Variants in MECOM observed in about 807,000 individuals in gnomAD.
MECOM encodes histone-lysine N-methyltransferase MECOM.
In MECOM, 13 loss-of-function variants were observed where a neutral mutation model predicts 116.3. The observed-to-expected ratio is 0.11, with a 90% CI of 0.07 to 0.18. MECOM has a LOEUF of 0.18. Ranked by LOEUF, MECOM falls within the 10% of genes least tolerant of loss-of-function variation. The pLI is 1.00. For missense variants in MECOM, 1,299 were observed against 1,509.0 expected, an observed-to-expected ratio of 0.86 and a Z score of 2.31; for synonymous variants, 528 against 535.2, an observed-to-expected ratio of 0.99 and a Z score of 0.19.
At chr3:169,438,739 G>A (rs986958599) in intron 1 of MECOM, among the ~76,000 whole-genome samples, 1 of 152,108 alleles carries the variant, frequency 6.6e-6, no homozygotes, top group Non-Finnish European at 1.5e-5. Flanking sequence ...AATGTTTCAG[G>A]TACTATCGGG....
intron 2 of MECOM, among the ~76,000 whole-genome samples, chr3:169,341,883 G>A (rs1004566094): frequency 1.2e-4 from 19 of 152,186 alleles, no homozygotes; most frequent in Admixed American, 5.2e-4. Flanking sequence ...ATGCTTCAGG[G>A]ATGGACACCC....
intron 2 of MECOM, among the ~76,000 whole-genome samples, chr3:169,273,232 G>A (rs1436884283): frequency 6.6e-6 from 1 of 152,034 alleles, no homozygotes; most frequent in African/African-American, 2.4e-5. Context: ...TACAAAGCAA[G>A]GGTATACAAA....
intron 2 of MECOM, among the ~76,000 whole-genome samples, chr3:169,338,074 G>A (rs1483671164): frequency 2.0e-5 from 3 of 152,132 alleles, no homozygotes; most frequent in East Asian, 1.9e-4. Flanking sequence ...ATTTGGTTGC[G>A]ATATAATCAG....
chr3:169,084,809 G>T lies in MECOM; in HGVS notation c.*100C>A. On this transcript the variant is annotated 3_prime_UTR_variant, in exon 17 of 17. Coordinates refer to ENST00000651503, the MANE Select transcript of MECOM (RefSeq NM_004991.4). ...TAGACTTTAGATGAGTGACCCTGCA[G>T]GTTTATAAGGCATTCTGCTCAGCAG... 2 of 1,358,254 alleles carry T rather than the reference G, an allele frequency of 1.5e-6. No individual in the cohort carries two copies. The highest frequency in any genetic ancestry group is 1.9e-5 in the Admixed American group (1 of 53,246). 84.1% of individuals were successfully genotyped at this position (1,358,254 alleles called of 1,614,324 possible).
At chr3:169,308,853 T>TGTACATCGATGGACA (rs2149726023) in intron 2 of MECOM, among the ~76,000 whole-genome samples, 1 of 152,348 alleles carries the variant, frequency 6.6e-6, no homozygotes, top group African/African-American at 2.4e-5. Flanking sequence ...GTCTTCCTTC[T>TGTACATCGATGGACA]CATCCTGAGT....
chr3:169,431,797 C>A (rs998333552), intron 1 of MECOM, among the ~76,000 whole-genome samples: 1 of 152,050 alleles, frequency 6.6e-6, no homozygotes, highest in African/African-American at 2.4e-5. Flanking sequence ...CTAAGAGCAT[C>A]CAGCATACCA....
chr3:169,493,399 T>G (rs537869545), intron 1 of MECOM, among the ~76,000 whole-genome samples: 1 of 152,250 alleles, frequency 6.6e-6, no homozygotes, highest in African/African-American at 2.4e-5. Flanking sequence ...CCTTCTCAGA[T>G]AGCACCACGA....
At chr3:169,660,932 T>G (rs745926566) in intron 1 of MECOM, among the ~76,000 whole-genome samples, 4 of 152,098 alleles carry the variant, frequency 2.6e-5, no homozygotes, top group Non-Finnish European at 4.4e-5. Flanking sequence ...TGAGGCTCAG[T>G]AAAAGTTTGT....
intron 2 of MECOM, among the ~76,000 whole-genome samples, chr3:169,293,741 T>C (rs966599838): frequency 2.0e-5 from 3 of 152,252 alleles, no homozygotes; most frequent in Non-Finnish European, 4.4e-5. Flanking sequence ...CATGAGGGTA[T>C]GGAGTTTGTC....
intron 1 of MECOM, among the ~76,000 whole-genome samples, chr3:169,579,803 C>T (rs4122245): frequency 0.67 from 101,727 of 151,990 alleles, 34,609 homozygotes; most frequent in East Asian, 0.89. Flanking sequence ...GAAATCCCAA[C>T]TAGCTGATCT....
chr3:169,470,617 T>C (rs1358097014), intron 1 of MECOM, among the ~76,000 whole-genome samples: 1 of 152,134 alleles, frequency 6.6e-6, no homozygotes, highest in African/African-American at 2.4e-5. Flanking sequence ...TGTATTAGAC[T>C]GTTCTATTCC....
At position 169,112,829 on chromosome 3, in the gene MECOM, C is replaced by T. The variant is rs1560174849; in HGVS notation, c.2535G>A (p.Glu845=). 6.2e-7 allele frequency: 1 copy of T among 1,613,220 alleles called. No homozygotes were observed. The highest frequency in any genetic ancestry group is 8.5e-7 in the Non-Finnish European group (1 of 1,179,464). The change falls in exon 9 of 17, where the codon GAG becomes GAA. Residue 845 remains glutamate, a synonymous_variant. Coordinates refer to ENST00000651503, the MANE Select transcript of MECOM (RefSeq NM_004991.4). ...ATCCTGGAGAAGGCCTCAAGTATTT[C>T]TCTTTTAAAGCTTCAAGTGGGTCAG... ...KLTDPLEALK[E]KYLRPSPGFL...
At position 169,658,194 on chromosome 3, in the gene MECOM, GC is replaced by G. The variant is rs1249303670; in HGVS notation, c.37+5141del. ...CTGCGCCGTCCAGGAGAAAAGAAAA[GC>G]AGACCCCACAGACCGTTTTAGAAAA... On this transcript the variant is annotated intron_variant, in intron 1 of 16. Transcript: ENST00000651503. Among the ~76,000 whole-genome samples, 7 of 152,318 alleles carry G rather than the reference GC, an allele frequency of 4.6e-5. No individual in the cohort carries two copies. In the East Asian group the frequency reaches 1.3e-3, roughly 29 times the overall value.
At chr3:169,313,614 G>T (rs1056263213) in intron 2 of MECOM, among the ~76,000 whole-genome samples, 8 of 152,180 alleles carry the variant, frequency 5.3e-5, no homozygotes, top group African/African-American at 1.7e-4. Flanking sequence ...CAGGAGGCTT[G>T]GTTGATTTGG....
intron 1 of MECOM, among the ~76,000 whole-genome samples, chr3:169,422,176 T>C (rs943518146): frequency 2.6e-5 from 4 of 152,162 alleles, no homozygotes; most frequent in Non-Finnish European, 5.9e-5. Context: ...GTCAGAGTTC[T>C]AGCTGAGACT....
intron 3 of MECOM, among the ~76,000 whole-genome samples, chr3:169,143,471 T>C (rs1415292265): frequency 1.3e-5 from 2 of 152,116 alleles, no homozygotes; most frequent in Non-Finnish European, 2.9e-5. Flanking sequence ...AACTGGTGCA[T>C]TTATGAAGGA....
intron 1 of MECOM, among the ~76,000 whole-genome samples, chr3:169,610,767 G>T (rs1429259531): frequency 2.0e-5 from 3 of 152,154 alleles, no homozygotes; most frequent in East Asian, 1.9e-4. Flanking sequence ...AGTTATTTCA[G>T]TTCTCACTGG....
At chr3:169,504,191 G>GTGTGTGTGTGTT (rs1249635619) in intron 1 of MECOM, among the ~76,000 whole-genome samples, 1 of 145,006 alleles carries the variant, frequency 6.9e-6, no homozygotes, top group Non-Finnish European at 1.5e-5. Context: ...GTGTGTGTGT[G>GTGTGTGTGTGTT]TTTAAATTAA....
intron 1 of MECOM, among the ~76,000 whole-genome samples, chr3:169,640,063 G>A (rs564523613): frequency 1.7e-4 from 26 of 152,198 alleles, no homozygotes; most frequent in African/African-American, 3.1e-4. Context: ...CTTCTGTTGC[G>A]TGTATTGGTC....
Sources: gnomAD v4.1 joint callset for allele counts (sites outside exome capture counted in the v4.1 genomes callset) on GRCh38, gnomAD v4.1.1 for gene constraint, MANE v1.5 for transcripts, NCBI Gene and HGNC (gene_info 2026-07-23, HGNC 2026-07-21) for gene names.